VSNL1: variants seen among roughly 807,000 people sequenced by gnomAD.
The protein encoded by VSNL1 is visinin-like protein 1.
In VSNL1, 6 loss-of-function variants were observed where a neutral mutation model predicts 20.4. The ratio of observed to expected loss-of-function variants is 0.29; its 90% CI spans 0.16 to 0.58. The LOEUF (loss-of-function observed/expected upper bound fraction) is 0.58. VSNL1 is among the 20% of genes least tolerant of loss of function. VSNL1 has a pLI of 0.90. For synonymous variants in VSNL1, 93 were observed against 86.4 expected (o/e 1.08, Z -0.42); for missense variants, 100 against 234.5 (o/e 0.43, Z 3.75).
chr2:17,633,348 C>CAAAAAATA (rs1665679793), intron 2 of VSNL1, among the ~76,000 whole-genome samples: 1 of 50,538 alleles, frequency 2.0e-5, no homozygotes, highest in Non-Finnish European at 3.7e-5. Context: ...ACTAAAAATA[C>CAAAAAATA]AAAAAAAAAA....
Position 17,541,944 on chromosome 2 carries a change from T to C in VSNL1, c.-6+1026T>C, listed in dbSNP as rs558343149. ...GCCCTGTGAGATGCCAGAGTGGGAA[T>C]CCATTTTTCTAGAGTTGCCCTCCTG... On this transcript the variant is annotated intron_variant, in intron 1 of 3. Coordinates refer to ENST00000295156, the MANE Select transcript of VSNL1 (RefSeq NM_003385.5). 3.9e-5 allele frequency among the ~76,000 whole-genome samples: 6 copies of C among 152,286 alleles called. No homozygotes were observed. The East Asian group carries it at 5.8e-4, about 15-fold the overall frequency.
chr2:17,643,320 G>A (rs1472708896), intron 2 of VSNL1, among the ~76,000 whole-genome samples: 1 of 152,192 alleles, frequency 6.6e-6, no homozygotes, highest in Admixed American at 6.5e-5. Context: ...TGTGACTAAA[G>A]TGCAAGTGCT....
Position 17,631,361 on chromosome 2 carries a change from A to G in VSNL1, c.163-18049A>G, listed in dbSNP as rs73222518. ...GGAAAAAAAAAGCAACTTGTATATG[A>G]TTTTTCCAAAGGATATAAAAAAGAT... On this transcript the variant is annotated intron_variant, in intron 2 of 3. Transcript: ENST00000295156. Among the ~76,000 whole-genome samples the G allele has an allele frequency of 8.4e-3, 1,276 of 152,280 alleles. 15 individuals are homozygous for G. The highest frequency in any genetic ancestry group is 0.028 in the African/African-American group (1,168 of 41,556).
At chr2:17,572,020 A>G (rs1664095681) in intron 1 of VSNL1, among the ~76,000 whole-genome samples, 1 of 152,218 alleles carries the variant, frequency 6.6e-6, no homozygotes, top group Admixed American at 6.5e-5. Context: ...ACAGTAAATA[A>G]CAGAGAGGGT....
chr2:17,621,448 G>A (rs527481319), intron 2 of VSNL1, among the ~76,000 whole-genome samples: 7 of 151,736 alleles, frequency 4.6e-5, no homozygotes, highest in Non-Finnish European at 8.8e-5. Flanking sequence ...TCAGCCTCCC[G>A]AGTAGCTGGG....
chr2:17,548,666 C>T (rs1220573252), intron 1 of VSNL1, among the ~76,000 whole-genome samples: 2 of 152,126 alleles, frequency 1.3e-5, no homozygotes, highest in African/African-American at 4.8e-5. Flanking sequence ...CTTTTCTGAC[C>T]ACCTTCTCAG....
At chr2:17,621,613 C>T (rs569150457) in intron 2 of VSNL1, among the ~76,000 whole-genome samples, 8 of 152,220 alleles carry the variant, frequency 5.3e-5, no homozygotes, top group East Asian at 1.9e-4. Context: ...CATGAGCCAC[C>T]GTGCCTCTAC....
intron 2 of VSNL1, among the ~76,000 whole-genome samples, chr2:17,639,533 T>C (rs1405245146): frequency 6.6e-6 from 1 of 152,218 alleles, no homozygotes; most frequent in African/African-American, 2.4e-5. Context: ...TATTGTTTTC[T>C]ATAAAAGAAT....
chr2:17,548,884 CT>C (rs1479173380), intron 1 of VSNL1, among the ~76,000 whole-genome samples: 2 of 152,144 alleles, frequency 1.3e-5, no homozygotes, highest in Non-Finnish European at 2.9e-5. Flanking sequence ...TAGAAAACCT[CT>C]TTCATTTGTT....
At chr2:17,603,780 A>G (rs1175206457) in intron 2 of VSNL1, among the ~76,000 whole-genome samples, 1 of 152,190 alleles carries the variant, frequency 6.6e-6, no homozygotes, top group African/African-American at 2.4e-5. Flanking sequence ...CTGGGGTTGT[A>G]TTCTTAAAAC....
intron 2 of VSNL1, among the ~76,000 whole-genome samples, chr2:17,646,856 A>C (rs1400331426): frequency 1.3e-5 from 2 of 152,188 alleles, no homozygotes; most frequent in Non-Finnish European, 2.9e-5. Flanking sequence ...CTTCCTAAGA[A>C]ATTGAAGGGA....
intron 1 of VSNL1, among the ~76,000 whole-genome samples, chr2:17,570,466 G>T (rs1258535539): frequency 6.6e-6 from 1 of 152,074 alleles, no homozygotes; most frequent in Non-Finnish European, 1.5e-5. Context: ...AACACCAAAG[G>T]TTTATAGTAT....
At chr2:17,625,725 A>G (rs1282413408) in intron 2 of VSNL1, among the ~76,000 whole-genome samples, 1 of 151,868 alleles carries the variant, frequency 6.6e-6, no homozygotes, top group African/African-American at 2.4e-5. Flanking sequence ...CCCTTCCTCT[A>G]CTACTAAGCA....
At chr2:17,541,223 A>C (rs1419370132) in intron 1 of VSNL1, 5 of 152,220 alleles carry the variant, frequency 3.3e-5, no homozygotes, top group African/African-American at 1.2e-4. Flanking sequence ...AGATTTAAGT[A>C]GCTAATTGAC....
intron 2 of VSNL1, among the ~76,000 whole-genome samples, chr2:17,640,315 T>G (rs2103421173): frequency 6.6e-6 from 1 of 151,598 alleles, no homozygotes; most frequent in East Asian, 1.9e-4. Context: ...TTAAAAATCC[T>G]TTGCCCGAGA....
intron 1 of VSNL1, among the ~76,000 whole-genome samples, chr2:17,572,027 G>T (rs1250808060): frequency 6.6e-6 from 1 of 152,176 alleles, no homozygotes; most frequent in Non-Finnish European, 1.5e-5. Context: ...ATAACAGAGA[G>T]GGTAATAAGA....
intron 1 of VSNL1, among the ~76,000 whole-genome samples, 198 bp from the exon 2 acceptor site, chr2:17,591,872 G>A (rs527690857): frequency 2.4e-4 from 36 of 152,054 alleles, no homozygotes; most frequent in African/African-American, 8.2e-4. Context: ...ACAGCCCTTG[G>A]AACTGTCAGA....
intron 2 of VSNL1, among the ~76,000 whole-genome samples, chr2:17,641,267 A>T (rs1665877337): frequency 6.6e-6 from 1 of 152,258 alleles, no homozygotes; most frequent in Admixed American, 6.5e-5. Context: ...AGTTGGAGCG[A>T]GTGAAGACAG....
At chr2:17,651,417 A>G (rs1666119687) in intron 3 of VSNL1, among the ~76,000 whole-genome samples, 1 of 152,234 alleles carries the variant, frequency 6.6e-6, no homozygotes, top group Admixed American at 6.5e-5. Flanking sequence ...TTCTATGATT[A>G]GATACCTAGG....
Sources: allele counts gnomAD v4.1 joint callset (sites outside exome capture counted in the v4.1 genomes callset), GRCh38; gene constraint gnomAD v4.1.1; transcripts MANE v1.5; gene names NCBI Gene and HGNC (gene_info 2026-07-23, HGNC 2026-07-21).